The following PARP8 variants were observed in gnomAD, a reference collection of about 807,000 sequenced individuals.
The protein encoded by PARP8 is protein mono-ADP-ribosyltransferase PARP8.
PARP8 carries 51 observed loss-of-function variants against 124.1 expected under a neutral mutation model. The ratio of observed to expected loss-of-function variants is 0.41; its 90% CI spans 0.33 to 0.52. The LOEUF (loss-of-function observed/expected upper bound fraction) is 0.52, where lower values mean the gene tolerates loss of function less well. Ranked by LOEUF, PARP8 falls within the 20% of genes least tolerant of loss-of-function variation. The pLI, the probability that PARP8 is intolerant of heterozygous loss-of-function variation, is 0.21. For synonymous variants in PARP8, 391 were observed against 361.5 expected, an observed-to-expected ratio of 1.08 and a Z score of -0.93; for missense variants, 860 against 1,018.9, an observed-to-expected ratio of 0.84 and a Z score of 2.12.
intron 2 of PARP8, among the ~76,000 whole-genome samples, chr5:50,673,476 C>CA (rs1396695356): frequency 3.3e-5 from 5 of 151,938 alleles, no homozygotes; most frequent in South Asian, 2.1e-4. Flanking sequence ...CCCGTGTTTC[C>CA]AAAAAACACA....
At position 50,845,631 on chromosome 5, in the gene PARP8, A is replaced by G. The variant is rs1748557222; in HGVS notation, c.*3563A>G. On this transcript the variant is annotated 3_prime_UTR_variant, in exon 26 of 26. Coordinates refer to ENST00000281631, the MANE Select transcript of PARP8 (RefSeq NM_024615.4). Reference sequence around the variant, plus strand: ...GTCAGTTACTTCTGGACAATGTGGTAACATGGATATTTCAGTCACTGGTAA... The same window carrying G: ...GTCAGTTACTTCTGGACAATGTGGTGACATGGATATTTCAGTCACTGGTAA... 6.6e-6 allele frequency: 1 copy of G among 151,810 alleles called. No homozygotes were observed. The highest frequency in any genetic ancestry group is 2.4e-5 in the African/African-American group (1 of 41,398). 9.4% of individuals were successfully genotyped at this position (151,810 alleles called of 1,614,324 possible).
chr5:50,810,773 G>A (rs1331600675), intron 14 of PARP8, among the ~76,000 whole-genome samples: 4 of 151,928 alleles, frequency 2.6e-5, no homozygotes, highest in Admixed American at 6.6e-5. Context: ...AGTCATTTAC[G>A]TCTTACATCT....
At chr5:50,737,154 G>GT (rs1273339703) in intron 2 of PARP8, among the ~76,000 whole-genome samples, 4 of 152,144 alleles carry the variant, frequency 2.6e-5, no homozygotes, top group African/African-American at 7.2e-5. Flanking sequence ...CTCACCATCT[G>GT]TAAGTCTGGG....
chr5:50,687,228 T>C (rs1232632946), intron 2 of PARP8, among the ~76,000 whole-genome samples: 1 of 152,200 alleles, frequency 6.6e-6, no homozygotes, highest in East Asian at 1.9e-4. Context: ...AAGTTTAAAG[T>C]TCCACAAATC....
intron 3 of PARP8, among the ~76,000 whole-genome samples, chr5:50,753,053 T>C (rs1759434903): frequency 6.6e-6 from 1 of 152,068 alleles, no homozygotes; most frequent in Non-Finnish European, 1.5e-5. Context: ...ATGTTGACTG[T>C]TCATGATTAA....
intron 7 of PARP8, among the ~76,000 whole-genome samples, chr5:50,769,886 C>G (rs1226039853): frequency 6.6e-6 from 1 of 151,780 alleles, no homozygotes; most frequent in Non-Finnish European, 1.5e-5. Flanking sequence ...TATAATGAGC[C>G]TGTATTACCT....
At chr5:50,831,903 C>T (rs1299836874) in intron 22 of PARP8, among the ~76,000 whole-genome samples, 3 of 152,120 alleles carry the variant, frequency 2.0e-5, no homozygotes, top group African/African-American at 4.8e-5. Flanking sequence ...TAGCATCTGT[C>T]GTTGATTTTG....
intron 2 of PARP8, among the ~76,000 whole-genome samples, chr5:50,680,162 A>G (rs1751123720): frequency 6.6e-6 from 1 of 152,138 alleles, no homozygotes; most frequent in South Asian, 2.1e-4. Flanking sequence ...AGTACCAGAT[A>G]CTCATTGCTA....
intron 2 of PARP8, among the ~76,000 whole-genome samples, chr5:50,740,805 C>G (rs1757966164): frequency 7.1e-6 from 1 of 141,556 alleles, no homozygotes; most frequent in African/African-American, 2.7e-5. Flanking sequence ...AGAGTGAGAC[C>G]TTTTCTCAAA....
At chr5:50,784,294 A>ATG (rs1328533263) in intron 9 of PARP8, among the ~76,000 whole-genome samples, 1 of 152,098 alleles carries the variant, frequency 6.6e-6, no homozygotes, top group Non-Finnish European at 1.5e-5. Context: ...GAAGACATAT[A>ATG]CCTCCTTATC....
chr5:50,674,811 A>T (rs1221980268), intron 2 of PARP8, among the ~76,000 whole-genome samples: 1 of 152,218 alleles, frequency 6.6e-6, no homozygotes, highest in African/African-American at 2.4e-5. Flanking sequence ...AGAGCAGTTC[A>T]TTGTATTTTT....
intron 7 of PARP8, among the ~76,000 whole-genome samples, chr5:50,777,022 G>A (rs945665409): frequency 3.3e-5 from 5 of 152,172 alleles, no homozygotes; most frequent in African/African-American, 9.6e-5. Flanking sequence ...TCACAAGGCT[G>A]TGATGAGGAC....
At chr5:50,773,443 G>T (rs1330873323) in intron 7 of PARP8, among the ~76,000 whole-genome samples, 1 of 152,192 alleles carries the variant, frequency 6.6e-6, no homozygotes, top group Non-Finnish European at 1.5e-5. Flanking sequence ...TTTCCTCAAG[G>T]TGTGTTCTTG....
intron 7 of PARP8, among the ~76,000 whole-genome samples, chr5:50,771,619 T>A (rs73101083): frequency 0.025 from 3,794 of 152,316 alleles, 155 homozygotes; most frequent in African/African-American, 0.087. Context: ...TCAGTACAAA[T>A]TTCTTCTCTG....
chr5:50,696,193 A>G (rs1384911276), intron 2 of PARP8, among the ~76,000 whole-genome samples: 1 of 152,164 alleles, frequency 6.6e-6, no homozygotes, highest in African/African-American at 2.4e-5. Flanking sequence ...TCTGTCTTTT[A>G]TTAGTGTATC....
rs546064046 is a variant in PARP8, at chr5:50,755,074, G to A, written c.185-4569G>A. ...TGTTGGAGTTCTTTGTAGATTCTGGGTATTAGCCCTTTGTCAGATGAGTAG... is the reference window on the plus strand; with the variant it reads ...TGTTGGAGTTCTTTGTAGATTCTGGATATTAGCCCTTTGTCAGATGAGTAG... On this transcript the variant is annotated intron_variant, in intron 3 of 25. Transcript: ENST00000281631. Among the ~76,000 whole-genome samples, 174 of 152,132 alleles carry A rather than the reference G, an allele frequency of 1.1e-3. 2 individuals are homozygous for A. The highest frequency in any genetic ancestry group is 4.0e-3 in the African/African-American group (165 of 41,502).
chr5:50,766,193 C>T (rs1761042450), intron 7 of PARP8, among the ~76,000 whole-genome samples: 1 of 152,162 alleles, frequency 6.6e-6, no homozygotes, highest in Admixed American at 6.5e-5. Flanking sequence ...CCTCACCATT[C>T]TATCCAAAAG....
intron 10 of PARP8, among the ~76,000 whole-genome samples, chr5:50,791,141 A>C (rs557974664): frequency 6.6e-6 from 1 of 152,330 alleles, no homozygotes; most frequent in East Asian, 1.9e-4. Flanking sequence ...ACTCTTATTT[A>C]CTGAATAACT....
rs1022881412 is a variant in PARP8, at chr5:50,842,876, T to TTA, written c.*810_*811dup. 5.3e-5 allele frequency: 8 copies of TTA among 151,870 alleles called. No individual in the cohort carries two copies. The highest frequency in any genetic ancestry group is 1.9e-4 in the African/African-American group (8 of 41,516). The allele number at this position is 151,870 out of a possible 1,614,324, so 9.4% of individuals were successfully genotyped here. On this transcript the variant is annotated 3_prime_UTR_variant, in exon 26 of 26. Transcript: ENST00000281631. Reference sequence around the variant, plus strand: ...GAAGAAATTCAGCCCTTTTAAAATGTTATCTAAAAGTCATAATTTGGGGAA... The same window carrying TTA: ...GAAGAAATTCAGCCCTTTTAAAATGTTATATCTAAAAGTCATAATTTGGGGAA...
Sources: gnomAD v4.1 joint callset for allele counts (sites outside exome capture counted in the v4.1 genomes callset) on GRCh38, gnomAD v4.1.1 for gene constraint, MANE v1.5 for transcripts, NCBI Gene and HGNC (gene_info 2026-07-23, HGNC 2026-07-21) for gene names.